Variants in FAR2 observed in about 807,000 individuals in gnomAD.
FAR2 encodes the protein fatty acyl-CoA reductase 2.
A neutral mutation model predicts 56.0 loss-of-function variants in FAR2; 19 were observed. The observed-to-expected ratio is 0.34, with a 90% confidence interval of 0.24 to 0.50. The LOEUF (loss-of-function observed/expected upper bound fraction) is 0.50, where lower values mean the gene tolerates loss of function less well. Among genes scored for constraint, FAR2 ranks in the 20% least tolerant of loss-of-function variants. The pLI, the probability that FAR2 is intolerant of heterozygous loss-of-function variation, is 0.98. For synonymous variants in FAR2, 219 were observed against 218.8 expected (o/e 1.00, Z -0.01); for missense variants, 508 against 642.2 (o/e 0.79, Z 2.26).
At chr12:29,274,484 A>C (rs1265429361) in intron 2 of FAR2, among the ~76,000 whole-genome samples, 1 of 152,062 alleles carries the variant, frequency 6.6e-6, no homozygotes, top group Admixed American at 6.5e-5. Flanking sequence ...TGCTATTGTG[A>C]ATAGTGCCGC....
At chr12:29,317,033 C>T in intron 9 of FAR2, 21 bp downstream of exon 9, 10 of 1,603,840 alleles carry the variant, frequency 6.2e-6, no homozygotes, top group Non-Finnish European at 8.5e-6. Context: ...GAGTCAATGG[C>T]TTTGAGAGTG....
chr12:29,212,183 C>T (rs536744524), intron 1 of FAR2, among the ~76,000 whole-genome samples: 3 of 152,196 alleles, frequency 2.0e-5, no homozygotes, highest in Admixed American at 2.0e-4. Flanking sequence ...TTATATGAAT[C>T]TAATCCTGAG....
chr12:29,230,605 T>G (rs1424086813), intron 1 of FAR2, among the ~76,000 whole-genome samples: 2 of 151,980 alleles, frequency 1.3e-5, no homozygotes, highest in African/African-American at 4.8e-5. Flanking sequence ...AAGAAACACT[T>G]AGAGGCATTT....
At chr12:29,200,245 T>C (rs1177230175) in intron 1 of FAR2, among the ~76,000 whole-genome samples, 2 of 152,170 alleles carry the variant, frequency 1.3e-5, no homozygotes, top group African/African-American at 2.4e-5. Context: ...GTGTGAATGG[T>C]ACTCCCTGGT....
intron 1 of FAR2, among the ~76,000 whole-genome samples, chr12:29,153,179 A>T (rs1949694772): frequency 6.6e-6 from 1 of 152,224 alleles, no homozygotes; most frequent in Admixed American, 6.5e-5. Flanking sequence ...CAAAATAAAC[A>T]TGTAGGAATA....
intron 1 of FAR2, among the ~76,000 whole-genome samples, chr12:29,252,599 C>G (rs540892136): frequency 1.3e-5 from 2 of 152,176 alleles, no homozygotes; most frequent in African/African-American, 4.8e-5. Flanking sequence ...GGATTATTAA[C>G]TTTCCATCAT....
chr12:29,159,345 A>T (rs772101182), intron 1 of FAR2, among the ~76,000 whole-genome samples: 2 of 151,920 alleles, frequency 1.3e-5, no homozygotes, highest in African/African-American at 2.4e-5. Flanking sequence ...GAGACCATCC[A>T]GGCTAACATG....
At chr12:29,172,544 C>T (rs867114356) in intron 1 of FAR2, among the ~76,000 whole-genome samples, 17 of 152,228 alleles carry the variant, frequency 1.1e-4, no homozygotes, top group South Asian at 6.2e-4. Context: ...TTTTCCTTTT[C>T]GGCCTGTTCC....
At chr12:29,293,249 G>A in intron 2 of FAR2, 51 bp from the exon 3 acceptor site, 1 of 1,373,174 alleles carries the variant, frequency 7.3e-7, no homozygotes, top group Non-Finnish European at 9.7e-7. Flanking sequence ...CAAGAACAAT[G>A]TGATAATGAT....
At chr12:29,248,501 A>C (rs1948162232) in intron 1 of FAR2, among the ~76,000 whole-genome samples, 1 of 152,220 alleles carries the variant, frequency 6.6e-6, no homozygotes, top group African/African-American at 2.4e-5. Context: ...GTACTTTACA[A>C]GGTAATAGAA....
chr12:29,208,989 C>T (rs761579262), intron 1 of FAR2, among the ~76,000 whole-genome samples: 26 of 151,574 alleles, frequency 1.7e-4, no homozygotes, highest in Middle Eastern at 3.2e-3. Context: ...GACACACAGA[C>T]TACTCAAAAG....
Position 29,318,624 on chromosome 12 carries a change from C to G in FAR2, c.1127+1612C>G, listed in dbSNP as rs137870047. ...CCTGCTCCAGGTGTGCTTGTGTATA[C>G]TCTCCTATGCTTTTACATCCATATA... On this transcript the variant is annotated intron_variant, in intron 9 of 11. Transcript: ENST00000536681. Among the ~76,000 whole-genome samples the G allele has an allele frequency of 7.2e-5, 11 of 152,300 alleles. No homozygotes were observed. In the East Asian group the frequency reaches 2.1e-3, roughly 29 times the overall value.
At chr12:29,197,130 G>C (rs181060040) in intron 1 of FAR2, among the ~76,000 whole-genome samples, 46 of 152,198 alleles carry the variant, frequency 3.0e-4, no homozygotes, top group African/African-American at 1.0e-3. Flanking sequence ...ATAGCATAAC[G>C]GTATTATGCT....
intron 1 of FAR2, among the ~76,000 whole-genome samples, chr12:29,186,004 A>C (rs1424408190): frequency 6.6e-6 from 1 of 152,252 alleles, no homozygotes; most frequent in African/African-American, 2.4e-5. Context: ...AAACAGCAAC[A>C]TCATGTGAGG....
intron 1 of FAR2, among the ~76,000 whole-genome samples, chr12:29,191,062 A>G (rs1414368577): frequency 6.6e-6 from 1 of 152,218 alleles, no homozygotes; most frequent in African/African-American, 2.4e-5. Context: ...CTGAAGAGAC[A>G]GAGAGAAGTG....
intron 1 of FAR2, among the ~76,000 whole-genome samples, chr12:29,162,714 T>G (rs1432557846): frequency 1.3e-5 from 2 of 152,064 alleles, no homozygotes; most frequent in East Asian, 3.8e-4. Flanking sequence ...GCTTATCTTT[T>G]ATTATTAAGG....
chr12:29,207,408 G>A (rs1351879631), intron 1 of FAR2, among the ~76,000 whole-genome samples: 1 of 152,112 alleles, frequency 6.6e-6, no homozygotes, highest in Non-Finnish European at 1.5e-5. Context: ...ATTCCCCTGA[G>A]TAGTAGCCAG....
rs1160589432 is a variant in FAR2 at position 29,237,237 on chromosome 12, G to A, written c.-38-33175G>A. Reference sequence around the variant, plus strand: ...AAGTGTGGTCCGCGGACTTTTGGAGGTACCTAAGGCACTTTCCAGGGTCTA... The same window carrying A: ...AAGTGTGGTCCGCGGACTTTTGGAGATACCTAAGGCACTTTCCAGGGTCTA... On this transcript the variant is annotated intron_variant, in intron 1 of 11. Transcript: ENST00000536681. Among the ~76,000 whole-genome samples, 4 of 152,052 alleles carry A rather than the reference G, an allele frequency of 2.6e-5. No homozygotes were observed. In the East Asian group the frequency reaches 7.7e-4, roughly 29 times the overall value.
At chr12:29,248,020 T>C (rs1948154933) in intron 1 of FAR2, among the ~76,000 whole-genome samples, 1 of 152,238 alleles carries the variant, frequency 6.6e-6, no homozygotes, top group Non-Finnish European at 1.5e-5. Context: ...ACATTCCACC[T>C]CTTCTAATAC....
Sources: allele counts gnomAD v4.1 joint callset (sites outside exome capture counted in the v4.1 genomes callset), GRCh38; gene constraint gnomAD v4.1.1; transcripts MANE v1.5; gene names NCBI Gene and HGNC (gene_info 2026-07-23, HGNC 2026-07-21).